Variants in CILK1 observed in about 807,000 individuals in gnomAD.
CILK1 encodes the protein ciliogenesis associated kinase 1.
A neutral mutation model predicts 79.2 loss-of-function variants in CILK1; 47 were observed. The observed-to-expected ratio is 0.59, with a 90% CI of 0.47 to 0.76. CILK1 has a LOEUF of 0.76. Ranked by LOEUF, CILK1 falls within the 30% of genes least tolerant of loss-of-function variation. The pLI is 0.00. For synonymous variants in CILK1, 266 were observed against 275.9 expected, an observed-to-expected ratio of 0.96 and a Z score of 0.36; for missense variants, 660 against 769.5, an observed-to-expected ratio of 0.86 and a Z score of 1.68.
intron 8 of CILK1, 27 bp from the exon 9 acceptor site, chr6:53,014,009 GA>G: frequency 1.9e-6 from 3 of 1,578,158 alleles, no homozygotes; most frequent in Non-Finnish European, 2.6e-6. Flanking sequence ...GGCTTTAGGA[GA>G]AAAGTCTAGC....
chr6:53,040,198 C>T (rs138081027), intron 2 of CILK1, among the ~76,000 whole-genome samples: 1 of 152,302 alleles, frequency 6.6e-6, no homozygotes, highest in Non-Finnish European at 1.5e-5. Flanking sequence ...CCACCTCCTG[C>T]TACCCAGGGC....
In CILK1 at chr6:53,001,584, A is replaced by T. The variant is rs192587444; in HGVS notation, c.*3565T>A. ...TTGATGCAGGTCATTTAAAATTCACATTAGCACAGTGTCTATGAGAAATTG... is the reference window on the plus strand; with the variant it reads ...TTGATGCAGGTCATTTAAAATTCACTTTAGCACAGTGTCTATGAGAAATTG... On this transcript the variant is annotated 3_prime_UTR_variant, in exon 14 of 14. Transcript: ENST00000676107. 2.0e-5 allele frequency: 3 copies of T among 152,658 alleles called. No individual in the cohort carries two copies. The highest frequency in any genetic ancestry group is 6.5e-5 in the Admixed American group (1 of 15,286). 9.5% of individuals were successfully genotyped at this position (152,658 alleles called of 1,614,324 possible).
rs146931585 is a variant in CILK1 at position 53,057,401 on chromosome 6, A to G, written c.-173+4195T>C. On this transcript the variant is annotated intron_variant, in intron 1 of 13. Coordinates refer to ENST00000676107, the MANE Select transcript of CILK1 (RefSeq NM_014920.5). ...TCTTGACATGGTGGGAAAAGCACCAAATGAAAAGCAAGGCACTATTGTGGC... is the reference window on the plus strand; with the variant it reads ...TCTTGACATGGTGGGAAAAGCACCAGATGAAAAGCAAGGCACTATTGTGGC... Among the ~76,000 whole-genome samples the G allele has an allele frequency of 4.1e-3, 630 of 152,332 alleles. 1 individual carries two copies. The highest frequency in any genetic ancestry group is 6.8e-3 in the Non-Finnish European group (463 of 68,018).
rs754158707 is a variant in CILK1, at chr6:53,016,149, A to G, written c.765T>C (p.Ser255=). ...NLKTLIPNAS[S]EAVQLLRDML... ...TGTCTCTCAGGAGCTGGACTGCTTC[A>G]CTGCTAGCATTGGGAATCAAGGTCT... Residue 255 remains serine, a synonymous_variant, in exon 8 of 14, where the codon AGT becomes AGC. Coordinates refer to ENST00000676107, the MANE Select transcript of CILK1 (RefSeq NM_014920.5). 6.2e-7 allele frequency: 1 copy of G among 1,614,162 alleles called. No individual in the cohort carries two copies. The highest frequency in any genetic ancestry group is 8.5e-7 in the Non-Finnish European group (1 of 1,179,974).
chr6:53,018,771 A>G (rs1256611239), intron 6 of CILK1, among the ~76,000 whole-genome samples: 1 of 152,218 alleles, frequency 6.6e-6, no homozygotes, highest in African/African-American at 2.4e-5. Flanking sequence ...AAGAATTAGG[A>G]AAAAAGAGAG....
chr6:53,040,444 G>A (rs891390308), intron 2 of CILK1, among the ~76,000 whole-genome samples: 2 of 152,196 alleles, frequency 1.3e-5, no homozygotes, highest in East Asian at 1.9e-4. Flanking sequence ...ACCAACAGCC[G>A]GCAGGGAACT....
At chr6:53,016,408 G>C (rs1312454780) in intron 7 of CILK1, among the ~76,000 whole-genome samples, 158 bp from the exon 8 acceptor site, 3 of 152,132 alleles carry the variant, frequency 2.0e-5, no homozygotes, top group African/African-American at 7.2e-5. Context: ...TATGGAATGA[G>C]ACATAGATTT....
At chr6:53,060,143 A>G (rs1003534876) in intron 1 of CILK1, among the ~76,000 whole-genome samples, 2 of 152,232 alleles carry the variant, frequency 1.3e-5, no homozygotes, top group African/African-American at 4.8e-5. Flanking sequence ...ACAAACAATA[A>G]AGTATAAAAA....
chr6:53,006,459 C>T, intron 12 of CILK1, 22 bp from the exon 13 acceptor site: 1 of 1,611,718 alleles, frequency 6.2e-7, no homozygotes, highest in South Asian at 1.1e-5. Flanking sequence ...AAGCAAAAAG[C>T]TCATTATTAC....
chr6:53,008,723 C>T lies in CILK1; in HGVS notation c.1621+716G>A, dbSNP rs780877531. On this transcript the variant is annotated intron_variant, in intron 12 of 13. Transcript: ENST00000676107. The stretch of plus-strand genomic sequence containing the variant: ...CTGGGATTACAGGCATGAGCCACCA[C>T]ACCTGGCCAAAGTTTGACTTCTTAA... 3.2e-4 allele frequency among the ~76,000 whole-genome samples: 49 copies of T among 152,196 alleles called. 1 individual carries two copies. The highest frequency in any genetic ancestry group is 5.8e-4 in the East Asian group (3 of 5,192).
intron 1 of CILK1, among the ~76,000 whole-genome samples, chr6:53,058,916 G>T (rs1262754734): frequency 6.6e-6 from 1 of 151,784 alleles, no homozygotes; most frequent in African/African-American, 2.4e-5. Context: ...TGCAAGAGGA[G>T]CAGTATAAAA....
chr6:53,037,895 A>G, intron 3 of CILK1, 44 bp downstream of exon 3: 1 of 1,147,564 alleles, frequency 8.7e-7, no homozygotes, highest in Non-Finnish European at 1.3e-6. Context: ...GTACAAAGCT[A>G]TTTTAATCAT....
chr6:53,027,914 G>A (rs548630844), intron 5 of CILK1, among the ~76,000 whole-genome samples: 12 of 152,284 alleles, frequency 7.9e-5, no homozygotes, highest in East Asian at 1.9e-4. Context: ...TTGGGAGGCC[G>A]AGGCGGGTGG....
chr6:53,029,790 A>G (rs1468633524), intron 5 of CILK1, among the ~76,000 whole-genome samples: 4 of 152,212 alleles, frequency 2.6e-5, no homozygotes, highest in Non-Finnish European at 5.9e-5. Context: ...CTCCTTGAGT[A>G]ATAAAACTTA....
chr6:53,009,701 GTGA>G (rs1398767936), intron 11 of CILK1, 134 bp from the exon 12 acceptor site: 1 of 751,088 alleles, frequency 1.3e-6, no homozygotes, highest in Non-Finnish European at 2.2e-6. Flanking sequence ...AAAACTGACT[GTGA>G]TGATGTCATC....
chr6:53,026,732 A>G (rs1269412872), intron 5 of CILK1, among the ~76,000 whole-genome samples: 2 of 152,164 alleles, frequency 1.3e-5, no homozygotes, highest in Non-Finnish European at 2.9e-5. Flanking sequence ...TCTGATTCAC[A>G]ATGGAAACCC....
chr6:53,012,215 C>A lies in CILK1; in HGVS notation c.1165G>T (p.Gly389Cys), dbSNP rs1461807973. 1 of 1,614,092 alleles carries A rather than the reference C, an allele frequency of 6.2e-7. No homozygotes were observed. The highest frequency in any genetic ancestry group is 8.5e-7 in the Non-Finnish European group (1 of 1,180,002). The change falls in exon 10 of 14, where the codon GGC becomes TGC. Residue 389 changes from glycine (G) to cysteine (C), a missense_variant. Physicochemically the swap from Gly to Cys is radical, Grantham distance 159 (BLOSUM62 -3). Transcript: ENST00000676107. ...NKHPQSKITA[G>C]LEHKNGEIKP... is the part of the protein sequence containing the mutation. ...ATCTCACCATTTTTGTGCTCCAGGC[C>A]AGCTGTGATTTTCTGTGTAAACAAA...
In CILK1 at chr6:53,019,142, ATT is replaced by A. The variant is rs1765067355; in HGVS notation, c.491+83_491+84del. ...CTGTTTCTCTTAGTGAAAAGTTAAC[ATT>A]TGTGACTTTAATATTATCCTTAGCA... On this transcript the variant is annotated intron_variant, in intron 6 of 13. Coordinates refer to ENST00000676107, the MANE Select transcript of CILK1 (RefSeq NM_014920.5). 4.2e-5 allele frequency: 56 copies of A among 1,326,336 alleles called. 1 individual carries two copies. In the South Asian group the frequency reaches 6.5e-4, roughly 15 times the overall value. The allele number at this position is 1,326,336 out of a possible 1,614,324, so 82.2% of individuals were successfully genotyped here.
At chr6:53,043,136 T>C (rs1000360509) in intron 1 of CILK1, among the ~76,000 whole-genome samples, 3 of 151,886 alleles carry the variant, frequency 2.0e-5, no homozygotes, top group African/African-American at 7.3e-5. Flanking sequence ...GCCAACATGG[T>C]GAAACCCCGT....
Sources: allele counts gnomAD v4.1 joint callset (sites outside exome capture counted in the v4.1 genomes callset), GRCh38; gene constraint gnomAD v4.1.1; transcripts MANE v1.5; gene names NCBI Gene and HGNC (gene_info 2026-07-23, HGNC 2026-07-21).